The following APPBP2 variants were observed in gnomAD, a reference collection of about 807,000 sequenced individuals.
APPBP2 encodes the protein amyloid beta precursor protein binding protein 2.
A neutral mutation model predicts 76.0 loss-of-function variants in APPBP2; 15 were observed. That is an observed-to-expected ratio of 0.20 (90% CI 0.13 to 0.30). The LOEUF (loss-of-function observed/expected upper bound fraction) is 0.30. Among genes scored for constraint, APPBP2 ranks in the 10% least tolerant of loss-of-function variants. The pLI, the probability that APPBP2 is intolerant of heterozygous loss-of-function variation, is 1.00. For missense variants in APPBP2, 401 were observed against 687.2 expected, an observed-to-expected ratio of 0.58 and a Z score of 4.66; for synonymous variants, 222 against 242.2, an observed-to-expected ratio of 0.92 and a Z score of 0.77.
rs1555637034 is a variant in APPBP2, at chr17:60,520,590, A to AAATC, written c.138+5203_138+5204insGATT. ...TCTGTTAAAAAAAAAAAAAAAAAAA[A>AAATC]ATTAAGATTGTGAAAACAATACATA... is the stretch of plus-strand genomic sequence containing the variant. On this transcript the variant is annotated intron_variant, in intron 1 of 12. Coordinates refer to ENST00000083182, the MANE Select transcript of APPBP2 (RefSeq NM_006380.5). 9.2e-3 allele frequency among the ~76,000 whole-genome samples: 1,372 copies of AAATC among 149,372 alleles called. 30 individuals are homozygous for AAATC. Among genetic ancestry groups the AAATC allele is most frequent in the African/African-American group, 0.033 (1,275 of 38,910 alleles).
intron 1 of APPBP2, among the ~76,000 whole-genome samples, chr17:60,510,008 T>A (rs1415518619): frequency 6.6e-6 from 1 of 151,234 alleles, no homozygotes. Flanking sequence ...GGAAGTCTTG[T>A]AAATGTATCC....
At position 60,494,428 on chromosome 17, in the gene APPBP2, A is replaced by G. The variant is rs773752635; in HGVS notation, c.379+38T>C. 1.9e-6 allele frequency: 3 copies of G among 1,589,428 alleles called. No homozygotes were observed. In the South Asian group the frequency reaches 3.5e-5, roughly 18 times the overall value. On this transcript the variant is annotated intron_variant, in intron 3 of 12. Transcript: ENST00000083182. ...TGTTAGCAGATTTAATTCTGAGTCC[A>G]TCACAGGACAAAATACTTCTGTTCC... is the stretch of plus-strand genomic sequence containing the variant.
chr17:60,452,104 C>T (rs1165474659), intron 11 of APPBP2, 59 bp from the exon 12 acceptor site: 8 of 1,532,562 alleles, frequency 5.2e-6, no homozygotes, highest in Non-Finnish European at 7.1e-6. Context: ...ACAGTTCTTA[C>T]TCAATGAGCA....
intron 11 of APPBP2, 101 bp from the exon 12 acceptor site, chr17:60,452,146 A>C (rs1282669957): frequency 7.6e-6 from 9 of 1,176,948 alleles, no homozygotes; most frequent in African/African-American, 1.6e-5. Context: ...ACATCTTATG[A>C]ATGCCATAAG....
At chr17:60,525,650 C>T in intron 1 of APPBP2, 144 bp downstream of exon 1, 1 of 1,272,458 alleles carries the variant, frequency 7.9e-7, no homozygotes, top group Non-Finnish European at 1.1e-6. Context: ...TCTCCACTGG[C>T]AATGCAGACA....
chr17:60,448,648 G>A (rs1268416146), intron 12 of APPBP2, among the ~76,000 whole-genome samples: 1 of 152,220 alleles, frequency 6.6e-6, no homozygotes, highest in Non-Finnish European at 1.5e-5. Flanking sequence ...TGGGCTCTCT[G>A]TAACGGTTAC....
intron 1 of APPBP2, chr17:60,513,330 GA>G: frequency 1.7e-6 from 1 of 593,210 alleles, no homozygotes; most frequent in Non-Finnish European, 3.1e-6. Flanking sequence ...AATCAGAGTG[GA>G]AAACACACCT....
intron 4 of APPBP2, among the ~76,000 whole-genome samples, chr17:60,477,815 AAAAT>A (rs2090601621): frequency 6.6e-6 from 1 of 151,716 alleles, no homozygotes; most frequent in Non-Finnish European, 1.5e-5. Flanking sequence ...AAAAAAAAAA[AAAAT>A]AGAGTTTTAC....
intron 3 of APPBP2, among the ~76,000 whole-genome samples, chr17:60,489,252 T>C (rs1381495945): frequency 6.7e-6 from 1 of 150,362 alleles, no homozygotes; most frequent in Non-Finnish European, 1.5e-5. Context: ...TGAGGGTCCT[T>C]TTCAAAAAAA....
At chr17:60,500,361 G>A in intron 2 of APPBP2, 38 bp downstream of exon 2, 1 of 1,354,474 alleles carries the variant, frequency 7.4e-7, no homozygotes, top group Non-Finnish European at 1.0e-6. Context: ...TAAATTTTAT[G>A]TTATGTATAT....
At chr17:60,500,895 G>A (rs2090817799) in intron 1 of APPBP2, among the ~76,000 whole-genome samples, 1 of 152,226 alleles carries the variant, frequency 6.6e-6, no homozygotes, top group African/African-American at 2.4e-5. Context: ...TCTCAGTTCA[G>A]TCCTGGTTAT....
At chr17:60,510,274 A>G (rs1056193093) in intron 1 of APPBP2, among the ~76,000 whole-genome samples, 6 of 152,040 alleles carry the variant, frequency 3.9e-5, no homozygotes, top group Admixed American at 1.3e-4. Context: ...GTGGTAGTAC[A>G]TATCTGTAGT....
At chr17:60,499,271 T>C (rs1017514569) in intron 2 of APPBP2, among the ~76,000 whole-genome samples, 1 of 151,858 alleles carries the variant, frequency 6.6e-6, no homozygotes, top group African/African-American at 2.4e-5. Flanking sequence ...GAGTTTGAGT[T>C]TGCAGTGAGC....
intron 2 of APPBP2, among the ~76,000 whole-genome samples, 189 bp downstream of exon 2, chr17:60,500,210 T>C (rs899126589): frequency 2.0e-5 from 3 of 151,942 alleles, no homozygotes; most frequent in Non-Finnish European, 4.4e-5. Context: ...CAGGGTTTCA[T>C]CACGTTAGCC....
chr17:60,524,875 CTG>C (rs1351572787), intron 1 of APPBP2, among the ~76,000 whole-genome samples: 1 of 152,174 alleles, frequency 6.6e-6, no homozygotes, highest in African/African-American at 2.4e-5. Flanking sequence ...ACAAGGAAGA[CTG>C]AATAATAAAT....
chr17:60,491,409 A>G lies in APPBP2; in HGVS notation c.379+3057T>C, dbSNP rs577789863. Among the ~76,000 whole-genome samples, 11 of 152,182 alleles carry G rather than the reference A, an allele frequency of 7.2e-5. No individual in the cohort carries two copies. In the South Asian group the frequency reaches 1.7e-3, roughly 23 times the overall value. On this transcript the variant is annotated intron_variant, in intron 3 of 12. Coordinates refer to ENST00000083182, the MANE Select transcript of APPBP2 (RefSeq NM_006380.5). ...GGAGTGCTGTTAAAAGCATTGTCTCATTTATTTTTATTTTTTTATTTTTAT... is the reference window on the plus strand; with the variant it reads ...GGAGTGCTGTTAAAAGCATTGTCTCGTTTATTTTTATTTTTTTATTTTTAT...
intron 9 of APPBP2, among the ~76,000 whole-genome samples, chr17:60,458,717 T>C (rs2090451039): frequency 6.6e-6 from 1 of 152,128 alleles, no homozygotes; most frequent in Admixed American, 6.5e-5. Flanking sequence ...ATTTTGTATC[T>C]TTAATCATAT....
At chr17:60,512,607 C>T (rs1004498315) in intron 1 of APPBP2, among the ~76,000 whole-genome samples, 3 of 150,764 alleles carry the variant, frequency 2.0e-5, no homozygotes, top group Admixed American at 6.6e-5. Context: ...GAGGCTGAGG[C>T]GGGAGGATCA....
In APPBP2 at chr17:60,525,775, G is replaced by C; in HGVS notation, c.138+19C>G. The C allele has an allele frequency of 6.2e-7, 1 of 1,613,572 alleles. No homozygotes were observed. ...CGGGGTTGCTGGAGGAGAGCAGAGAGGAGGCCCACGGCGCATACCTTGTAG... is the reference window on the plus strand; with the variant it reads ...CGGGGTTGCTGGAGGAGAGCAGAGACGAGGCCCACGGCGCATACCTTGTAG... On this transcript the variant is annotated intron_variant, in intron 1 of 12. Coordinates refer to ENST00000083182, the MANE Select transcript of APPBP2 (RefSeq NM_006380.5).
Sources: allele counts gnomAD v4.1 joint callset (sites outside exome capture counted in the v4.1 genomes callset), GRCh38; gene constraint gnomAD v4.1.1; transcripts MANE v1.5; gene names NCBI Gene and HGNC (gene_info 2026-07-23, HGNC 2026-07-21).